The following DNAAF6 variants were observed in gnomAD, a reference collection of about 807,000 sequenced individuals.
DNAAF6 encodes dynein axonemal assembly factor 6, also known as PIH1 domain containing 3.
DNAAF6 carries 3 observed loss-of-function variants against 13.7 expected under a neutral mutation model. The observed-to-expected ratio is 0.22, with a 90% CI of 0.10 to 0.56. The LOEUF (loss-of-function observed/expected upper bound fraction) is 0.56. DNAAF6 is among the 20% of genes least tolerant of loss of function. The pLI is 0.92. For missense variants in DNAAF6, 130 were observed against 151.0 expected, an observed-to-expected ratio of 0.86 and a Z score of 0.73; for synonymous variants, 54 against 49.2, an observed-to-expected ratio of 1.10 and a Z score of -0.41.
At chrX:107,223,049 T>A (rs2052904708) in intron 5 of DNAAF6, among the ~76,000 whole-genome samples, 1 of 112,179 alleles carries the variant, frequency 8.9e-6, no homozygotes, top group Admixed American at 9.5e-5. Flanking sequence ...GGATGAGATT[T>A]ACAAATAAAC....
At chrX:107,232,719 A>G (rs1928433251) in intron 5 of DNAAF6, among the ~76,000 whole-genome samples, 1 of 110,655 alleles carries the variant, frequency 9.0e-6, no homozygotes, top group Non-Finnish European at 1.9e-5. Context: ...TGAGGTTCCA[A>G]TGTTAGAAAG....
chrX:107,237,992 C>CAAAACA (rs903041402), intron 5 of DNAAF6, among the ~76,000 whole-genome samples: 1 of 111,742 alleles, frequency 8.9e-6, no homozygotes, highest in African/African-American at 3.3e-5. Context: ...CACAAAAAAA[C>CAAAACA]AAAACAAAAA....
chrX:107,231,331 T>C (rs1051184440), intron 5 of DNAAF6, among the ~76,000 whole-genome samples: 18 of 111,296 alleles, frequency 1.6e-4, no homozygotes, highest in African/African-American at 4.2e-4. Flanking sequence ...GGAGTGGTCA[T>C]TGAGGGAGGG....
rs1224831520 is a variant in DNAAF6 at position 107,222,920 on chromosome X, T to C, written c.429+79T>C. On this transcript the variant is annotated intron_variant, in intron 5 of 6. Transcript: ENST00000372453. ...ACTGACTATTATTTACATAATATTGTAGGCAAGGTTGTAAACTCTTTAAAA... is the reference window on the plus strand; with the variant it reads ...ACTGACTATTATTTACATAATATTGCAGGCAAGGTTGTAAACTCTTTAAAA... 5.5e-6 allele frequency: 6 copies of C among 1,094,655 alleles called. No homozygotes were observed. The African/African-American group carries it at 1.1e-4, about 20-fold the overall frequency. 90.2% of individuals were successfully genotyped at this position (1,094,655 alleles called of 1,213,427 possible). A position where few individuals can be genotyped will look rare whatever the true frequency, so the allele number is the denominator to read the frequency against.
intron 1 of DNAAF6, among the ~76,000 whole-genome samples, chrX:107,212,005 A>G (rs1013642259): frequency 1.8e-5 from 2 of 111,937 alleles, no homozygotes; most frequent in Admixed American, 9.5e-5. Context: ...AGATGAATTT[A>G]GTCATGCTTC....
intron 5 of DNAAF6, among the ~76,000 whole-genome samples, chrX:107,224,375 TC>T (rs1463334054): frequency 1.8e-5 from 2 of 112,111 alleles, no homozygotes; most frequent in Non-Finnish European, 3.8e-5. Context: ...TCTCTTTCTT[TC>T]CTTTATTTCT....
chrX:107,223,889 G>A (rs768601891), intron 5 of DNAAF6, among the ~76,000 whole-genome samples: 1 of 111,369 alleles, frequency 9.0e-6, no homozygotes, highest in Non-Finnish European at 1.9e-5. Context: ...GGTTTTACCA[G>A]TAATATTCAA....
intron 6 of DNAAF6, 145 bp downstream of exon 6, chrX:107,239,152 C>A: frequency 1.1e-6 from 1 of 904,161 alleles, no homozygotes; most frequent in Non-Finnish European, 1.4e-6. Flanking sequence ...GTTTGATCTA[C>A]ATTAATATAA....
chrX:107,230,969 A>C (rs1928381268), intron 5 of DNAAF6, among the ~76,000 whole-genome samples: 1 of 111,841 alleles, frequency 8.9e-6, no homozygotes, highest in Non-Finnish European at 1.9e-5. Context: ...ATGAAATTTT[A>C]CTTCTTCCTT....
intron 5 of DNAAF6, among the ~76,000 whole-genome samples, chrX:107,224,101 A>G: frequency 9.0e-6 from 1 of 111,638 alleles, no homozygotes; most frequent in Middle Eastern, 4.6e-3. Flanking sequence ...ATACCTCATA[A>G]TAGGAATATA....
intron 6 of DNAAF6, among the ~76,000 whole-genome samples, chrX:107,240,144 A>G (rs1928596386): frequency 8.9e-6 from 1 of 111,907 alleles, no homozygotes; most frequent in African/African-American, 3.2e-5. Context: ...AGACAGCAGA[A>G]ATACTGAATA....
chrX:107,229,920 C>T (rs1006091024), intron 5 of DNAAF6, among the ~76,000 whole-genome samples: 1 of 110,829 alleles, frequency 9.0e-6, no homozygotes, highest in Non-Finnish European at 1.9e-5. Flanking sequence ...ACCTCCTGAC[C>T]TCGTGATCCG....
intron 1 of DNAAF6, among the ~76,000 whole-genome samples, chrX:107,206,946 G>A (rs753074670): frequency 8.9e-6 from 1 of 111,853 alleles, no homozygotes; most frequent in Non-Finnish European, 1.9e-5. Flanking sequence ...GTGAAAGATG[G>A]ATGCTGATCG....
intron 5 of DNAAF6, among the ~76,000 whole-genome samples, chrX:107,228,979 A>G (rs959695111): frequency 9.2e-6 from 1 of 108,955 alleles, no homozygotes; most frequent in African/African-American, 3.4e-5. Flanking sequence ...AAATCTTGCA[A>G]TAAGAGGTAT....
chrX:107,231,823 A>AGGTCATCTTTT (rs1419111416), intron 5 of DNAAF6, among the ~76,000 whole-genome samples: 4 of 111,859 alleles, frequency 3.6e-5, no homozygotes, highest in Non-Finnish European at 7.5e-5. Flanking sequence ...AAAAACCAGT[A>AGGTCATCTTTT]GGTCATCTTT....
At chrX:107,222,302 A>G (rs1368802329) in intron 4 of DNAAF6, among the ~76,000 whole-genome samples, 1 of 111,979 alleles carries the variant, frequency 8.9e-6, no homozygotes, top group Non-Finnish European at 1.9e-5. Context: ...TGACAGAAAC[A>G]GTACTAAACC....
At chrX:107,239,985 C>A (rs1928593166) in intron 6 of DNAAF6, among the ~76,000 whole-genome samples, 1 of 111,689 alleles carries the variant, frequency 9.0e-6, no homozygotes, top group African/African-American at 3.2e-5. Flanking sequence ...TATTTGCAAG[C>A]TTGTTAAAAG....
chrX:107,210,391 CT>C lies in DNAAF6; in HGVS notation c.-3-2477del, dbSNP rs1350720169. Among the ~76,000 whole-genome samples the C allele has an allele frequency of 2.7e-5, 3 of 110,660 alleles. No individual in the cohort carries two copies. The East Asian group carries it at 8.4e-4, about 31-fold the overall frequency. On this transcript the variant is annotated intron_variant, in intron 1 of 6. Coordinates refer to ENST00000372453, the MANE Select transcript of DNAAF6 (RefSeq NM_173494.2). ...TTAGGCAGTGTGGCTCCAGAATCTT[CT>C]TTTTCATTTTTTATTGTTATTATTT...
chrX:107,227,881 A>AGT (rs1176311053), intron 5 of DNAAF6, among the ~76,000 whole-genome samples: 1 of 110,797 alleles, frequency 9.0e-6, no homozygotes, highest in Non-Finnish European at 1.9e-5. Flanking sequence ...TGAGAGAGAG[A>AGT]GTGTGTGTGT....
Sources: allele counts gnomAD v4.1 joint callset (sites outside exome capture counted in the v4.1 genomes callset), GRCh38; gene constraint gnomAD v4.1.1; transcripts MANE v1.5; gene names NCBI Gene and HGNC (gene_info 2026-07-23, HGNC 2026-07-21).